Variants in COL13A1 observed in about 807,000 individuals in gnomAD.
COL13A1 encodes collagen alpha-1(XIII) chain.
A neutral mutation model predicts 130.9 loss-of-function variants in COL13A1; 89 were observed. The observed-to-expected ratio is 0.68, with a 90% CI of 0.57 to 0.81. The LOEUF is 0.81. Among genes scored for constraint, COL13A1 ranks in the 30% least tolerant of loss-of-function variants. The pLI is 0.00. For missense variants in COL13A1, 879 were observed against 934.6 expected (o/e 0.94, Z 0.78); for synonymous variants, 402 against 341.6 (o/e 1.18, Z -1.95).
At chr10:69,913,970 C>A (rs1328230713) in intron 17 of COL13A1, among the ~76,000 whole-genome samples, 4 of 152,128 alleles carry the variant, frequency 2.6e-5, no homozygotes, top group Admixed American at 6.5e-5. Context: ...GGTCAGCCAC[C>A]CTAACAAGGA....
At chr10:69,877,701 A>T (rs2704518) in intron 5 of COL13A1, 2,011 of 9,882 alleles carry the variant, frequency 0.2, 10 homozygotes, top group Middle Eastern at 0.29. Flanking sequence ...TCTCTCTCTC[A>T]CACACACACA....
chr10:69,953,863 C>G (rs2070105493), intron 39 of COL13A1: 1 of 152,692 alleles, frequency 6.5e-6, no homozygotes, highest in East Asian at 1.9e-4. Context: ...GCATCCTGGC[C>G]AGGGTAGGAC....
At chr10:69,942,839 G>A (rs957017841) in intron 35 of COL13A1, among the ~76,000 whole-genome samples, 5 of 152,176 alleles carry the variant, frequency 3.3e-5, no homozygotes, top group African/African-American at 1.2e-4. Flanking sequence ...CCCAACCACT[G>A]GCCCGAGCTG....
chr10:69,958,783 C>A lies in COL13A1; in HGVS notation c.*82C>A. 5 of 1,576,602 alleles carry A rather than the reference C, an allele frequency of 3.2e-6. No individual in the cohort carries two copies. The highest frequency in any genetic ancestry group is 4.3e-6 in the Non-Finnish European group (5 of 1,156,568). On this transcript the variant is annotated 3_prime_UTR_variant, in exon 41 of 41. Transcript: ENST00000645393. ...ATACAGTTTTCACTTTTTGAAAATGCCAGAAGTATGATGCATCTTACAGAT... is the reference window on the plus strand; with the variant it reads ...ATACAGTTTTCACTTTTTGAAAATGACAGAAGTATGATGCATCTTACAGAT...
intron 1 of COL13A1, among the ~76,000 whole-genome samples, chr10:69,806,660 C>A (rs1307104743): frequency 6.6e-6 from 1 of 152,162 alleles, no homozygotes; most frequent in Non-Finnish European, 1.5e-5. Flanking sequence ...TCAGATGACA[C>A]CTAGGACTGG....
intron 2 of COL13A1, among the ~76,000 whole-genome samples, chr10:69,825,479 A>G (rs1444183015): frequency 6.6e-6 from 1 of 152,206 alleles, no homozygotes; most frequent in Non-Finnish European, 1.5e-5. Context: ...ATCAGTAGTC[A>G]TTGCTGATGA....
chr10:69,906,611 T>C (rs2062779147), intron 17 of COL13A1, among the ~76,000 whole-genome samples: 1 of 152,164 alleles, frequency 6.6e-6, no homozygotes, highest in African/African-American at 2.4e-5. Context: ...GTCTTATTGG[T>C]TGAAGCAAGT....
chr10:69,915,433 G>T (rs1378622415), intron 17 of COL13A1, among the ~76,000 whole-genome samples: 1 of 152,198 alleles, frequency 6.6e-6, no homozygotes, highest in Non-Finnish European at 1.5e-5. Context: ...TCTGGCATTG[G>T]GAACTAAAGA....
intron 31 of COL13A1, among the ~76,000 whole-genome samples, chr10:69,934,966 A>C (rs2066634763): frequency 6.6e-6 from 1 of 152,182 alleles, no homozygotes; most frequent in African/African-American, 2.4e-5. Context: ...GACTGGGGTA[A>C]ACTGAAGGTG....
At chr10:69,899,558 T>TTTCTAAGTAGACTGCTTAG (rs1564993314) in intron 14 of COL13A1, among the ~76,000 whole-genome samples, 19 of 152,226 alleles carry the variant, frequency 1.2e-4, no homozygotes, top group African/African-American at 4.3e-4. Context: ...CTGCTTAGCA[T>TTTCTAAGTAGACTGCTTAG]CTGATCCCTC....
chr10:69,956,600 A>C (rs546202893), intron 39 of COL13A1: 2 of 199,616 alleles, frequency 1.0e-5, no homozygotes, highest in Middle Eastern at 2.3e-3. Context: ...TAGCGGTCAC[A>C]TCAAGCAACT....
At chr10:69,873,492 T>A (rs370006419) in intron 4 of COL13A1, among the ~76,000 whole-genome samples, 7 of 152,244 alleles carry the variant, frequency 4.6e-5, no homozygotes, top group East Asian at 3.9e-4. Context: ...AAAAAGCATT[T>A]AGGGGGCAAT....
intron 3 of COL13A1, among the ~76,000 whole-genome samples, chr10:69,869,171 C>T (rs1295978338): frequency 1.3e-5 from 2 of 152,226 alleles, no homozygotes; most frequent in African/African-American, 4.8e-5. Context: ...TGGCCCGACC[C>T]AGGGACTGTT....
chr10:69,916,799 A>C (rs1589497114), intron 17 of COL13A1, among the ~76,000 whole-genome samples: 1 of 152,150 alleles, frequency 6.6e-6, no homozygotes. Flanking sequence ...AAGGAACCCC[A>C]GATGAAAAGA....
chr10:69,819,622 T>C (rs540359871), intron 1 of COL13A1, among the ~76,000 whole-genome samples: 1 of 152,262 alleles, frequency 6.6e-6, no homozygotes, highest in South Asian at 2.1e-4. Context: ...TGATCAAGGC[T>C]GCTTCCTTGA....
intron 7 of COL13A1, among the ~76,000 whole-genome samples, chr10:69,887,218 A>G (rs2060677194): frequency 6.6e-6 from 1 of 152,200 alleles, no homozygotes; most frequent in Non-Finnish European, 1.5e-5. Context: ...AAGTAGACCC[A>G]GAGGATGCTG....
At chr10:69,921,393 A>G (rs2064649573) in intron 21 of COL13A1, among the ~76,000 whole-genome samples, 1 of 152,152 alleles carries the variant, frequency 6.6e-6, no homozygotes, top group African/African-American at 2.4e-5. Context: ...CAATGACCCT[A>G]TGTCCAAATA....
chr10:69,889,374 G>A, intron 9 of COL13A1, 40 bp from the exon 10 acceptor site: 1 of 1,600,070 alleles, frequency 6.2e-7, no homozygotes, highest in East Asian at 2.3e-5. Context: ...CTTCTGGGCT[G>A]CGAACAGTGC....
intron 2 of COL13A1, among the ~76,000 whole-genome samples, chr10:69,823,873 G>C (rs1278097459): frequency 6.6e-6 from 1 of 152,208 alleles, no homozygotes; most frequent in Non-Finnish European, 1.5e-5. Flanking sequence ...AGATTAATGA[G>C]ATGGGGTGGA....
Sources: allele counts gnomAD v4.1 joint callset (sites outside exome capture counted in the v4.1 genomes callset), GRCh38; gene constraint gnomAD v4.1.1; transcripts MANE v1.5; gene names NCBI Gene and HGNC (gene_info 2026-07-23, HGNC 2026-07-21).